Variants in LDHAL6A observed in about 807,000 individuals in gnomAD.
LDHAL6A encodes lactate dehydrogenase A like 6A, also known as L-lactate dehydrogenase A-like 6A.
Under a neutral mutation model 28.2 loss-of-function variants are expected in LDHAL6A, and 19 were observed. That is an observed-to-expected ratio of 0.67 (90% CI 0.47 to 0.99). LDHAL6A has a LOEUF of 0.99. LDHAL6A is among the 50% of genes least tolerant of loss of function. The probability of loss-of-function intolerance (pLI) is 0.00; values close to 1 mark genes in which losing one functional copy is unlikely to be tolerated. For missense variants in LDHAL6A, 372 were observed against 398.6 expected (o/e 0.93, Z 0.57); for synonymous variants, 144 against 134.4 (o/e 1.07, Z -0.49).
rs190703468 is a variant in LDHAL6A at position 18,474,119 on chromosome 11, G to A, written c.419-1347G>A. Among the ~76,000 whole-genome samples, 52 of 151,116 alleles carry A rather than the reference G, an allele frequency of 3.4e-4. 1 individual carries two copies. The highest frequency in any genetic ancestry group is 2.4e-3 in the Admixed American group (36 of 15,158). On this transcript the variant is annotated intron_variant, in intron 3 of 6. Transcript: ENST00000280706. ...TTTTGAGACGGAGTCTTGCTCTGTC[G>A]CCCAGGCTGGAGTGCAATGGTGTGA...
chr11:18,464,341 A>G (rs1301516851), intron 2 of LDHAL6A, among the ~76,000 whole-genome samples: 1 of 152,212 alleles, frequency 6.6e-6, no homozygotes, highest in Non-Finnish European at 1.5e-5. Context: ...TGTGTGAGAC[A>G]TTGACCCAAG....
intron 1 of LDHAL6A, among the ~76,000 whole-genome samples, chr11:18,461,275 G>A (rs2133863205): frequency 6.6e-6 from 1 of 151,954 alleles, no homozygotes; most frequent in South Asian, 2.1e-4. Flanking sequence ...TTCCCGAGTA[G>A]CTGGGACTAC....
rs1849458143 is a variant in LDHAL6A, at chr11:18,478,756, G to A, written c.885G>A (p.Leu295=). The change falls in exon 7 of 7, where the codon CTG becomes CTA. Residue 295 remains leucine, a synonymous_variant. Transcript: ENST00000280706. ...EDIFLSVPCI[L]GENGITDLIK... is the part of the protein sequence containing the mutation. ...TATTCCTTAGTGTCCCATGTATCCT[G>A]GGAGAGAATGGTATCACAGACCTCA... The A allele has an allele frequency of 6.2e-7, 1 of 1,613,044 alleles. No homozygotes were observed.
chr11:18,455,916 ACACC>A lies in LDHAL6A; in HGVS notation c.-764_-761del, dbSNP rs1848740284. ...CCAAGCATCACACCTGCCAAGCATC[ACACC>A]TGCCAAGCATCACACCTGCGATGCC... On this transcript the variant is annotated 5_prime_UTR_variant, in exon 1 of 7. In the 5' UTR this introduces an upstream ATG that the reference lacks. Coordinates refer to ENST00000280706, the MANE Select transcript of LDHAL6A (RefSeq NM_144972.5). 1 of 119,502 alleles carries A rather than the reference ACACC, an allele frequency of 8.4e-6. No individual in the cohort carries two copies. Among genetic ancestry groups the A allele is most frequent in the African/African-American group, 3.9e-5 (1 of 25,458 alleles). 7.4% of individuals were successfully genotyped at this position (119,502 alleles called of 1,614,324 possible). A position where few individuals can be genotyped will look rare whatever the true frequency, so the allele number is the denominator to read the frequency against.
In LDHAL6A at chr11:18,465,806, T is replaced by C. The variant is rs935211738; in HGVS notation, c.414T>C (p.Asn138=). ...SPHCKLLIVT[N]PVDILTYVAW... ...ACTGCAAACTGCTTATTGTTACTAA[T>C]CCAGGTCAGCTTTGTTGTTTTAAAT... Residue 138 remains asparagine (N), a synonymous_variant, in exon 3 of 7, where the codon AAT becomes AAC. Coordinates refer to ENST00000280706, the MANE Select transcript of LDHAL6A (RefSeq NM_144972.5). 1.9e-6 allele frequency: 3 copies of C among 1,610,486 alleles called. No individual in the cohort carries two copies. The East Asian group carries it at 6.7e-5, about 36-fold the overall frequency.
At chr11:18,474,543 T>C (rs996913992) in intron 3 of LDHAL6A, among the ~76,000 whole-genome samples, 5 of 151,782 alleles carry the variant, frequency 3.3e-5, no homozygotes, top group Non-Finnish European at 5.9e-5. Context: ...CGCACCACCA[T>C]GCCTGGCTAA....
At chr11:18,466,806 T>C (rs2133874337) in intron 3 of LDHAL6A, among the ~76,000 whole-genome samples, 1 of 152,148 alleles carries the variant, frequency 6.6e-6, no homozygotes, top group East Asian at 1.9e-4. Context: ...CTCTCCAAAA[T>C]TGTACTAGAC....
Position 18,478,773 on chromosome 11 carries a change from C to G in LDHAL6A, c.902C>G (p.Thr301Arg). 1 of 1,613,112 alleles carries G rather than the reference C, an allele frequency of 6.2e-7. No homozygotes were observed. Among genetic ancestry groups the G allele is most frequent in the East Asian group, 2.2e-5 (1 of 44,870 alleles). The change falls in exon 7 of 7, where the codon ACA (threonine) becomes AGA (arginine). Residue 301 changes from threonine to arginine, a missense_variant. Transcript: ENST00000280706. ...VPCILGENGI[T>R]DLIKVKLTLE... ...TGTATCCTGGGAGAGAATGGTATCA[C>G]AGACCTCATAAAAGTAAAACTGACT...
At chr11:18,469,019 G>A (rs904101957) in intron 3 of LDHAL6A, 4 of 399,658 alleles carry the variant, frequency 1.0e-5, no homozygotes. Context: ...AAAATAACAA[G>A]CTGATGATAC....
Position 18,477,663 on chromosome 11 carries a change from A to G in LDHAL6A, c.754A>G (p.Ile252Val). 6.2e-7 allele frequency: 1 copy of G among 1,613,170 alleles called. No homozygotes were observed. The highest frequency in any genetic ancestry group is 1.1e-5 in the South Asian group (1 of 90,998). Residue 252 changes from isoleucine (I) to valine (V), a missense_variant, in exon 6 of 7, where the codon ATT (isoleucine) becomes GTT (valine). This residue lies in a region of LDHAL6A where 291 missense variants were observed against 302.9 expected (regional missense o/e 0.96). Coordinates refer to ENST00000280706, the MANE Select transcript of LDHAL6A (RefSeq NM_144972.5). The part of the protein sequence containing the change: ...VKMKGYTSWG[I>V]SLSVADLTES... ...AATGAAAGGTTATACTTCTTGGGGCATTAGCCTATCTGTAGCTGATTTAAC... is the reference window on the plus strand; with the variant it reads ...AATGAAAGGTTATACTTCTTGGGGCGTTAGCCTATCTGTAGCTGATTTAAC...
chr11:18,464,968 G>GTTTTTTTTTTTTTTTTTT (rs1565068644), intron 2 of LDHAL6A, among the ~76,000 whole-genome samples: 7 of 3,798 alleles, frequency 1.8e-3, no homozygotes, highest in African/African-American at 3.2e-3. Context: ...GAGGTGAGGT[G>GTTTTTTTTTTTTTTTTTT]TTTTTTTTGT....
At position 18,465,709 on chromosome 11, in the gene LDHAL6A, G is replaced by T. The variant is rs375489223; in HGVS notation, c.317G>T (p.Arg106Leu). The change falls in exon 3 of 7, where the codon CGC (arginine) becomes CTC (leucine). Residue 106 changes from arginine (R) to leucine (L), a missense_variant. Transcript: ENST00000280706. ...GCACGCCAGAAAAAAGGAGAAACAC[G>T]CCTTGATTTAGTCCAGCGAAATGTA... The part of the protein sequence containing the change: ...AGARQKKGET[R>L]LDLVQRNVSI... The T allele has an allele frequency of 6.2e-7, 1 of 1,613,706 alleles. No individual in the cohort carries two copies. Among genetic ancestry groups the T allele is most frequent in the East Asian group, 2.2e-5 (1 of 44,876 alleles).
chr11:18,478,612 A>G, intron 6 of LDHAL6A, 94 bp from the exon 7 acceptor site: 10 of 997,008 alleles, frequency 1.0e-5, no homozygotes, highest in African/African-American at 3.2e-5. Flanking sequence ...AGTTCGTACT[A>G]TACCAATCTG....
intron 1 of LDHAL6A, among the ~76,000 whole-genome samples, chr11:18,462,659 A>AAAAAAAAAAAAAAAAAC (rs1848954584): frequency 8.0e-5 from 11 of 137,438 alleles, no homozygotes; most frequent in African/African-American, 7.9e-5. Context: ...AACAAACAAA[A>AAAAAAAAAAAAAAAAAC]AAAAAAACAA....
rs1849048747 is a variant in LDHAL6A, at chr11:18,465,623, T to C, written c.245-14T>C. The stretch of plus-strand genomic sequence containing the variant: ...TTCTTTCATAATCGATTGTTTATTC[T>C]AATCTTTCCTCAGATTACCTGGTCA... On this transcript the variant is annotated splice_polypyrimidine_tract_variant and intron_variant, in intron 2 of 6. Transcript: ENST00000280706. 2 of 1,605,180 alleles carry C rather than the reference T, an allele frequency of 1.2e-6. No individual in the cohort carries two copies. The highest frequency in any genetic ancestry group is 1.7e-6 in the Non-Finnish European group (2 of 1,175,158).
chr11:18,466,202 A>C (rs1260585470), intron 3 of LDHAL6A, among the ~76,000 whole-genome samples: 1 of 152,070 alleles, frequency 6.6e-6, no homozygotes, highest in Non-Finnish European at 1.5e-5. Flanking sequence ...TCAGTGAAGG[A>C]GTTTTTGGGG....
chr11:18,476,702 G>A, intron 5 of LDHAL6A: 1 of 782,362 alleles, frequency 1.3e-6, no homozygotes, highest in African/African-American at 1.9e-5. Flanking sequence ...TTATTCCTGA[G>A]CCTAACCCAG....
chr11:18,470,047 G>A (rs1590256513), intron 3 of LDHAL6A, among the ~76,000 whole-genome samples: 1 of 152,240 alleles, frequency 6.6e-6, no homozygotes, highest in East Asian at 1.9e-4. Context: ...TCATGCCTCA[G>A]CTTCCCAAGT....
chr11:18,478,681 A>G (rs1849454810), intron 6 of LDHAL6A, 25 bp from the exon 7 acceptor site: 2 of 1,570,590 alleles, frequency 1.3e-6, no homozygotes, highest in African/African-American at 1.4e-5. Flanking sequence ...TAAAAAAGGA[A>G]TAATTTTTAA....
Sources: allele counts gnomAD v4.1 joint callset (sites outside exome capture counted in the v4.1 genomes callset), GRCh38; gene constraint gnomAD v4.1.1; regional missense constraint gnomAD v4.1.1; transcripts MANE v1.5; gene names NCBI Gene and HGNC (gene_info 2026-07-23, HGNC 2026-07-21).